Variants in TJP2 observed in about 807,000 individuals in gnomAD.
The protein encoded by TJP2 is tight junction protein 2.
A neutral mutation model predicts 133.1 loss-of-function variants in TJP2; 91 were observed. That is an observed-to-expected ratio of 0.68 (90% CI 0.58 to 0.81). The LOEUF (loss-of-function observed/expected upper bound fraction) is 0.81. TJP2 is among the 40% of genes least tolerant of loss of function. TJP2 has a pLI of 0.00. For missense variants in TJP2, 1,541 were observed against 1,565.6 expected, an observed-to-expected ratio of 0.98 and a Z score of 0.26; for synonymous variants, 592 against 583.4, an observed-to-expected ratio of 1.01 and a Z score of -0.21.
chr9:69,150,601 A>C (rs1319813581), intron 1 of TJP2, among the ~76,000 whole-genome samples: 1 of 152,156 alleles, frequency 6.6e-6, no homozygotes, highest in African/African-American at 2.4e-5. Context: ...CCCAGCCTAA[A>C]ATATTTTGTT....
In TJP2 at chr9:69,237,868, G is replaced by C; in HGVS notation, c.2180-10G>C. 1 of 1,607,348 alleles carries C rather than the reference G, an allele frequency of 6.2e-7. No individual in the cohort carries two copies. ...TGTGTATGCTTTAATGGCCTTTCTT[G>C]TCATTTCAGCTGGTTTCAAGAGACC... is the stretch of plus-strand genomic sequence containing the variant. On this transcript the variant is annotated splice_polypyrimidine_tract_variant and intron_variant, in intron 14 of 22. Transcript: ENST00000377245.
intron 1 of TJP2, among the ~76,000 whole-genome samples, chr9:69,177,407 G>A (rs1564405490): frequency 6.6e-6 from 1 of 152,162 alleles, no homozygotes; most frequent in Non-Finnish European, 1.5e-5. Flanking sequence ...CACATCAATG[G>A]TTATGTGAAC....
chr9:69,175,171 G>A (rs1348991054), intron 1 of TJP2, among the ~76,000 whole-genome samples: 1 of 152,232 alleles, frequency 6.6e-6, no homozygotes, highest in Non-Finnish European at 1.5e-5. Context: ...ATGGAATACA[G>A]CCTCCCACCT....
At chr9:69,220,824 A>T in intron 4 of TJP2, 63 bp from the exon 5 acceptor site, 2 of 1,533,752 alleles carry the variant, frequency 1.3e-6, no homozygotes, top group Non-Finnish European at 1.8e-6. Flanking sequence ...GCTCTTAACC[A>T]CTGCCTTCTC....
chr9:69,194,919 A>G (rs147849400), intron 1 of TJP2, among the ~76,000 whole-genome samples: 3 of 152,336 alleles, frequency 2.0e-5, no homozygotes, highest in South Asian at 2.1e-4. Context: ...TTTGAAGCTC[A>G]GGACTCCGTA....
At chr9:69,223,689 CTTCTG>C (rs1829099102) in intron 5 of TJP2, among the ~76,000 whole-genome samples, 1 of 152,172 alleles carries the variant, frequency 6.6e-6, no homozygotes, top group Non-Finnish European at 1.5e-5. Flanking sequence ...CTCACTCAGC[CTTCTG>C]TTCTGGGCTG....
At chr9:69,228,905 CATT>C (rs1563935959) in intron 9 of TJP2, among the ~76,000 whole-genome samples, 4 of 152,234 alleles carry the variant, frequency 2.6e-5, no homozygotes, top group African/African-American at 7.2e-5. Context: ...GAAACAGTAT[CATT>C]ATTGTATGTT....
At chr9:69,181,994 A>G (rs183384873) in intron 1 of TJP2, among the ~76,000 whole-genome samples, 68 of 152,036 alleles carry the variant, frequency 4.5e-4, no homozygotes, top group African/African-American at 1.6e-3. Flanking sequence ...CTCCACCCCC[A>G]TGGACTTCTC....
At chr9:69,238,038 T>A in intron 15 of TJP2, 65 bp downstream of exon 15, 1 of 1,206,710 alleles carries the variant, frequency 8.3e-7, no homozygotes, top group South Asian at 1.2e-5. Context: ...ACAGAGGAGT[T>A]GGAAGAATCA....
chr9:69,229,146 G>A lies in TJP2; in HGVS notation c.1454-38G>A, dbSNP rs550122176. On this transcript the variant is annotated intron_variant, in intron 9 of 22. Transcript: ENST00000377245. Reference sequence around the variant, plus strand: ...TCTATTTAGAAACGCACTCTTGTTAGTCCAGATTGATAACAGTAGATGTTT... The same window carrying A: ...TCTATTTAGAAACGCACTCTTGTTAATCCAGATTGATAACAGTAGATGTTT... 26 of 1,592,164 alleles carry A rather than the reference G, an allele frequency of 1.6e-5. No individual in the cohort carries two copies. The Admixed American group carries it at 3.7e-4, about 22-fold the overall frequency.
At chr9:69,207,956 T>C (rs1055211818) in intron 1 of TJP2, among the ~76,000 whole-genome samples, 3 of 152,222 alleles carry the variant, frequency 2.0e-5, no homozygotes, top group African/African-American at 7.2e-5. Flanking sequence ...TTGGGTACAC[T>C]TGTAGTTAGT....
intron 15 of TJP2, 148 bp from the exon 16 acceptor site, chr9:69,238,562 C>T: frequency 1.4e-6 from 1 of 711,058 alleles, no homozygotes; most frequent in Non-Finnish European, 2.5e-6. Flanking sequence ...TAGATTTCCA[C>T]TAAGCAGGTT....
At chr9:69,183,253 G>A (rs1021076490) in intron 1 of TJP2, among the ~76,000 whole-genome samples, 1 of 152,106 alleles carries the variant, frequency 6.6e-6, no homozygotes. Context: ...TTACATGAAT[G>A]TATTCACCTG....
At chr9:69,161,459 C>T (rs1230038881) in intron 2 of TJP2, among the ~76,000 whole-genome samples, 1 of 152,068 alleles carries the variant, frequency 6.6e-6, no homozygotes, top group Non-Finnish European at 1.5e-5. Flanking sequence ...GAACTCCTGA[C>T]TTCGTGATCC....
chr9:69,182,550 G>A (rs1290152065), intron 1 of TJP2, among the ~76,000 whole-genome samples: 3 of 152,152 alleles, frequency 2.0e-5, no homozygotes, highest in Admixed American at 6.5e-5. Flanking sequence ...ACTTTGGGCA[G>A]TGAAGGATCT....
intron 1 of TJP2, among the ~76,000 whole-genome samples, chr9:69,146,015 T>A (rs893232642): frequency 1.3e-5 from 2 of 152,148 alleles, no homozygotes; most frequent in African/African-American, 4.8e-5. Flanking sequence ...TTGGATAATA[T>A]TCTAATACCC....
At chr9:69,159,527 T>C (rs1378583888) in intron 2 of TJP2, among the ~76,000 whole-genome samples, 1 of 152,220 alleles carries the variant, frequency 6.6e-6, no homozygotes, top group African/African-American at 2.4e-5. Flanking sequence ...AAAGAGGCTT[T>C]GTAAATTGTT....
chr9:69,171,397 CCT>C (rs1419113142), upstream of TJP2, among the ~76,000 whole-genome samples: 3 of 152,164 alleles, frequency 2.0e-5, no homozygotes, highest in African/African-American at 7.2e-5. Flanking sequence ...CCCACCAACC[CCT>C]GTCCCCCACC....
At chr9:69,173,102 G>T (rs971381800), upstream of TJP2, among the ~76,000 whole-genome samples, 2 of 152,196 alleles carry the variant, frequency 1.3e-5, no homozygotes, top group Admixed American at 1.3e-4. Flanking sequence ...TTCTAGACTT[G>T]TTTTGATCAG....
Sources: gnomAD v4.1 joint callset for allele counts (sites outside exome capture counted in the v4.1 genomes callset) on GRCh38, gnomAD v4.1.1 for gene constraint, MANE v1.5 for transcripts, NCBI Gene and HGNC (gene_info 2026-07-23, HGNC 2026-07-21) for gene names.